Variants in CARF observed in about 807,000 individuals in gnomAD.
The protein encoded by CARF is calcium responsive transcription factor, also known as calcium-responsive transcription factor.
A neutral mutation model predicts 82.0 loss-of-function variants in CARF; 57 were observed. That is an observed-to-expected ratio of 0.70 (90% CI 0.56 to 0.87). The LOEUF (loss-of-function observed/expected upper bound fraction) is 0.87, where lower values mean the gene tolerates loss of function less well. Among genes scored for constraint, CARF ranks in the 40% least tolerant of loss-of-function variants. The probability of loss-of-function intolerance (pLI) is 0.00; values close to 1 mark genes in which losing one functional copy is unlikely to be tolerated. For synonymous variants in CARF, 268 were observed against 290.1 expected, an observed-to-expected ratio of 0.92 and a Z score of 0.77; for missense variants, 771 against 855.8, an observed-to-expected ratio of 0.90 and a Z score of 1.24.
chr2:202,929,500 G>A (rs865982034), intron 3 of CARF, among the ~76,000 whole-genome samples: 5 of 152,128 alleles, frequency 3.3e-5, no homozygotes, highest in South Asian at 2.1e-4. Flanking sequence ...CTGTAAGTGC[G>A]TAGATTTTGT....
chr2:202,982,110 A>G lies in CARF; in HGVS notation c.1728A>G (p.Glu576=), dbSNP rs746182561. ...AACCAAGGTACACCTCTCCTGATGA[A>G]TCACCAGCTGTGGTATCAGTAAATA... ...QLQPRYTSPD[E]SPAVVSVNNQ... is the part of the protein sequence containing the mutation. Residue 576 remains glutamate (E), a synonymous_variant, in exon 16 of 17, where the codon GAA becomes GAG. Transcript: ENST00000438828. The G allele has an allele frequency of 1.9e-6, 3 of 1,614,150 alleles. No individual in the cohort carries two copies. In the South Asian group the frequency reaches 3.3e-5, roughly 18 times the overall value.
At chr2:202,927,878 G>A (rs1692162685) in intron 3 of CARF, among the ~76,000 whole-genome samples, 1 of 149,654 alleles carries the variant, frequency 6.7e-6, no homozygotes, top group Non-Finnish European at 1.5e-5. Flanking sequence ...ACAACTCCCT[G>A]CAGCCTTGAT....
At position 202,943,623 on chromosome 2, in the gene CARF, CACACACAT is replaced by C. The variant is rs1191849102; in HGVS notation, c.306+658_306+665del. Among the ~76,000 whole-genome samples, 160 of 122,622 alleles carry C rather than the reference CACACACAT, an allele frequency of 1.3e-3. 1 individual carries two copies. Among genetic ancestry groups the C allele is most frequent in the Admixed American group, 5.6e-3 (66 of 11,808 alleles). The allele number at this position is 122,622 out of a possible 152,430, so 80.4% of individuals were successfully genotyped here. Reference sequence around the variant, plus strand: ...ACACACACACACACACACACACACACACACACATATTAGGCTAACTCCAGTTTTGTTTT... The same window carrying C: ...ACACACACACACACACACACACACACATTAGGCTAACTCCAGTTTTGTTTT... On this transcript the variant is annotated intron_variant, in intron 5 of 16. Transcript: ENST00000438828.
intron 5 of CARF, 72 bp from the exon 6 acceptor site, chr2:202,952,483 AATTT>A (rs778644330): frequency 5.0e-5 from 68 of 1,362,882 alleles, no homozygotes; most frequent in Admixed American, 3.4e-4. Flanking sequence ...TGTGTTTAAT[AATTT>A]ATTTAATTAA....
chr2:202,923,334 A>G (rs1691189273), intron 2 of CARF, among the ~76,000 whole-genome samples: 1 of 152,228 alleles, frequency 6.6e-6, no homozygotes, highest in Admixed American at 6.5e-5. Flanking sequence ...GTACACCAAC[A>G]GCAGCCAAGC....
chr2:202,977,318 T>A lies in CARF; in HGVS notation c.1544T>A (p.Val515Asp), dbSNP rs1484610946. 1 of 1,611,754 alleles carries A rather than the reference T, an allele frequency of 6.2e-7. No homozygotes were observed. ...SGNILKETMT[V>D]TFAEGNSPGE... ...AATATTCTCAAAGAGACCATGACAG[T>A]TACATTTGCAGAAGGTAGGTTTTCT... Residue 515 changes from valine (V) to aspartate (D), a missense_variant, in exon 14 of 17, where the codon GTT (valine) becomes GAT (aspartate). Coordinates refer to ENST00000438828, the MANE Select transcript of CARF (RefSeq NM_024744.17).
At chr2:202,942,718 A>AT (rs748533903) in intron 4 of CARF, 22 bp from the exon 5 acceptor site, 4,321 of 1,386,182 alleles carry the variant, frequency 3.1e-3, no homozygotes, top group South Asian at 4.5e-3. Flanking sequence ...GACTGAAGTG[A>AT]TTTTTTTTTT....
At chr2:202,949,785 G>C (rs1005287215) in intron 5 of CARF, among the ~76,000 whole-genome samples, 27 of 151,902 alleles carry the variant, frequency 1.8e-4, no homozygotes, top group Non-Finnish European at 3.4e-4. Context: ...CCTGACCTCA[G>C]GTGATCCACC....
At chr2:202,978,743 G>A (rs2060130712) in intron 14 of CARF, among the ~76,000 whole-genome samples, 2 of 152,160 alleles carry the variant, frequency 1.3e-5, no homozygotes. Context: ...GGGTTTTACT[G>A]GAGGGATATG....
chr2:202,982,197 T>C lies in CARF; in HGVS notation c.1815T>C (p.Asn605=). 3.7e-6 allele frequency: 6 copies of C among 1,614,200 alleles called. No individual in the cohort carries two copies. Among genetic ancestry groups the C allele is most frequent in the Non-Finnish European group, 5.1e-6 (6 of 1,180,016 alleles). ...CAATAGGAAGTGCTGTAATGAATAATAATTCTCTACTGCTTGGTCAAAGTC... is the reference window on the plus strand; with the variant it reads ...CAATAGGAAGTGCTGTAATGAATAACAATTCTCTACTGCTTGGTCAAAGTC... ...LDTIGSAVMN[N]NSLLLGQSHS... Residue 605 remains asparagine (N), a synonymous_variant, in exon 16 of 17, where the codon AAT becomes AAC. Coordinates refer to ENST00000438828, the MANE Select transcript of CARF (RefSeq NM_024744.17).
At chr2:202,916,674 CAG>C (rs1184380383) in intron 1 of CARF, among the ~76,000 whole-genome samples, 1 of 152,122 alleles carries the variant, frequency 6.6e-6, no homozygotes, top group African/African-American at 2.4e-5. Context: ...TTTTAATACA[CAG>C]AAGTCTGTGA....
At chr2:202,977,657 T>C (rs2060088714) in intron 14 of CARF, among the ~76,000 whole-genome samples, 1 of 152,162 alleles carries the variant, frequency 6.6e-6, no homozygotes, top group Non-Finnish European at 1.5e-5. Context: ...TTTTTTACGG[T>C]TGCTTTTTCT....
At chr2:202,929,108 G>C (rs1453945703) in intron 3 of CARF, among the ~76,000 whole-genome samples, 1 of 152,044 alleles carries the variant, frequency 6.6e-6, no homozygotes, top group Non-Finnish European at 1.5e-5. Flanking sequence ...TTAATCCCTC[G>C]TGGAATAGTT....
chr2:202,935,054 G>A (rs1693646578), intron 3 of CARF, among the ~76,000 whole-genome samples: 2 of 145,132 alleles, frequency 1.4e-5, no homozygotes, highest in African/African-American at 2.5e-5. Context: ...CCCAGCCTGA[G>A]GGCCAGAGTG....
chr2:202,968,146 G>C (rs749042987), intron 10 of CARF, among the ~76,000 whole-genome samples: 2 of 152,150 alleles, frequency 1.3e-5, no homozygotes, highest in Admixed American at 1.3e-4. Context: ...GCTAACGCCT[G>C]TAATCCCAGC....
chr2:202,938,612 T>C (rs138455288), intron 3 of CARF, among the ~76,000 whole-genome samples: 1 of 135,886 alleles, frequency 7.4e-6, no homozygotes, highest in East Asian at 2.5e-4. Context: ...TTCCTTTCAC[T>C]CTCTTTTCTG....
rs2059583578 is a variant in CARF, at chr2:202,967,040, A to G, written c.895A>G (p.Lys299Glu). The G allele has an allele frequency of 6.2e-7, 1 of 1,614,120 alleles. No individual in the cohort carries two copies. ...GPRRKGFQLK[K>E]VSEQESRSCQ... is the part of the protein sequence containing the mutation. ...AAGAAGAAAAGGTTTCCAGTTAAAA[A>G]AAGTCAGTGAGCAGGAAAGCAGGTC... The change falls in exon 10 of 17, where the codon AAA becomes GAA. Residue 299 changes from lysine (K) to glutamate (E), a missense_variant. Lys to Glu is a moderately conservative substitution (Grantham distance 56, BLOSUM62 1). Transcript: ENST00000438828.
chr2:202,918,122 A>G (rs1051959453), intron 2 of CARF, 79 bp downstream of exon 2: 4 of 413,866 alleles, frequency 9.7e-6, no homozygotes, highest in Non-Finnish European at 1.9e-5. Flanking sequence ...TTAAAAAGTC[A>G]AATTACCCTT....
intron 4 of CARF, among the ~76,000 whole-genome samples, chr2:202,942,331 G>A (rs980998295): frequency 3.3e-5 from 5 of 150,918 alleles, no homozygotes; most frequent in South Asian, 4.2e-4. Context: ...CTGAGATCAC[G>A]CCACTGCACT....
Sources: allele counts gnomAD v4.1 joint callset (sites outside exome capture counted in the v4.1 genomes callset), GRCh38; gene constraint gnomAD v4.1.1; transcripts MANE v1.5; gene names NCBI Gene and HGNC (gene_info 2026-07-23, HGNC 2026-07-21).